The following PLCE1 variants were observed in gnomAD, a reference collection of about 807,000 sequenced individuals.
PLCE1 encodes 1-phosphatidylinositol 4,5-bisphosphate phosphodiesterase epsilon-1.
PLCE1 carries 119 observed loss-of-function variants against 242.8 expected under a neutral mutation model. The ratio of observed to expected loss-of-function variants is 0.49; its 90% CI spans 0.42 to 0.57. The LOEUF (loss-of-function observed/expected upper bound fraction) is 0.57. Ranked by LOEUF, PLCE1 falls within the 20% of genes least tolerant of loss-of-function variation. The pLI is 0.00. For synonymous variants in PLCE1, 945 were observed against 1,017.4 expected (o/e 0.93, Z 1.35); for missense variants, 2,441 against 2,788.8 (o/e 0.88, Z 2.81).
chr10:94,252,389 G>A lies in PLCE1; in HGVS notation c.3170G>A (p.Arg1057Gln), dbSNP rs754397478. 2.2e-5 allele frequency: 35 copies of A among 1,613,928 alleles called. 1 individual carries two copies. Among genetic ancestry groups the A allele is most frequent in the African/African-American group, 8.0e-5 (6 of 74,880 alleles). ...TTTGGTGGCAGACGGTGGAGTGCTC[G>A]AAACCCCAGCCCCGGAACATCAGCA... ...ELFGGRRWSA[R>Q]NPSPGTSAKN... Residue 1057 changes from arginine to glutamine, a missense_variant, in exon 9 of 33, where the codon CGA (arginine) becomes CAA (glutamine). Coordinates refer to ENST00000371380, the MANE Select transcript of PLCE1 (RefSeq NM_016341.4).
chr10:94,203,247 T>C (rs753603699), intron 4 of PLCE1, among the ~76,000 whole-genome samples: 4 of 152,144 alleles, frequency 2.6e-5, no homozygotes, highest in Non-Finnish European at 4.4e-5. Flanking sequence ...TCTGTCACAC[T>C]CTGCTCCCAA....
At chr10:94,224,037 A>G (rs1269691334) in intron 4 of PLCE1, among the ~76,000 whole-genome samples, 1 of 152,172 alleles carries the variant, frequency 6.6e-6, no homozygotes, top group Non-Finnish European at 1.5e-5. Flanking sequence ...TTATAAAATT[A>G]TGAATACATC....
intron 2 of PLCE1, among the ~76,000 whole-genome samples, chr10:94,091,675 T>C (rs1194594263): frequency 1.3e-5 from 2 of 151,648 alleles, no homozygotes; most frequent in African/African-American, 4.8e-5. Flanking sequence ...TGAAACAGAG[T>C]ATTAGAGTAG....
intron 2 of PLCE1, among the ~76,000 whole-genome samples, chr10:94,044,786 G>C (rs796771018): frequency 4.6e-5 from 7 of 152,120 alleles, no homozygotes; most frequent in African/African-American, 1.7e-4. Flanking sequence ...AACAGAAGCA[G>C]AAGAGCTTCT....
intron 3 of PLCE1, among the ~76,000 whole-genome samples, chr10:94,146,097 A>G (rs2047103155): frequency 6.6e-6 from 1 of 152,114 alleles, no homozygotes. Context: ...GCCATTGCAG[A>G]CCCTTAAGCA....
intron 19 of PLCE1, among the ~76,000 whole-genome samples, chr10:94,277,216 T>C (rs1383551951): frequency 6.6e-6 from 1 of 151,944 alleles, no homozygotes; most frequent in Non-Finnish European, 1.5e-5. Context: ...CTGACATTCC[T>C]CTCCTGAATT....
chr10:94,317,507 G>C (rs1266703609), intron 29 of PLCE1, among the ~76,000 whole-genome samples: 2 of 152,094 alleles, frequency 1.3e-5, no homozygotes, highest in Non-Finnish European at 2.9e-5. Context: ...AGAAGTTTTA[G>C]CTAATAGAAG....
At chr10:94,315,154 C>T (rs1393140720) in intron 28 of PLCE1, 6 of 299,006 alleles carry the variant, frequency 2.0e-5, no homozygotes, top group Non-Finnish European at 3.3e-5. Flanking sequence ...TTGCCTTGGC[C>T]CCCTTTTGAG....
chr10:94,114,988 A>G lies in PLCE1; in HGVS notation c.1207-17186A>G, dbSNP rs1220755686. On this transcript the variant is annotated intron_variant, in intron 2 of 32. Coordinates refer to ENST00000371380, the MANE Select transcript of PLCE1 (RefSeq NM_016341.4). ...TGTGTCCAAGTGTTCTCATTGTTCA[A>G]TTCCCACCTATAAGTGAGAACATGC... Among the ~76,000 whole-genome samples, 16 of 151,056 alleles carry G rather than the reference A, an allele frequency of 1.1e-4. No homozygotes were observed. The South Asian group carries it at 2.5e-3, about 24-fold the overall frequency.
At chr10:94,313,221 GA>G (rs2053445068) in intron 27 of PLCE1, 32 bp from the exon 28 acceptor site, 1 of 1,612,756 alleles carries the variant, frequency 6.2e-7, no homozygotes, top group African/African-American at 1.3e-5. Context: ...TGTGATTACG[GA>G]TGAATGATCA....
At chr10:94,074,277 C>T (rs914104162) in intron 2 of PLCE1, among the ~76,000 whole-genome samples, 2 of 150,126 alleles carry the variant, frequency 1.3e-5, no homozygotes, top group African/African-American at 2.5e-5. Context: ...ACTGCAGCTT[C>T]GAACTCCTGA....
chr10:94,315,704 A>T (rs1022689194), intron 28 of PLCE1, among the ~76,000 whole-genome samples: 1 of 145,004 alleles, frequency 6.9e-6, no homozygotes, highest in Admixed American at 7.2e-5. Context: ...GGGAAGGCGG[A>T]GGTTGCAGTG....
intron 2 of PLCE1, among the ~76,000 whole-genome samples, chr10:94,113,733 G>A (rs2046028147): frequency 6.6e-6 from 1 of 152,152 alleles, no homozygotes; most frequent in African/African-American, 2.4e-5. Context: ...ATAGCAATGT[G>A]ACGATGCGGG....
chr10:94,313,523 A>T (rs2053458341), intron 28 of PLCE1, 141 bp downstream of exon 28: 2 of 959,884 alleles, frequency 2.1e-6, no homozygotes, highest in Non-Finnish European at 3.3e-6. Context: ...CCTTTTGATT[A>T]TTTGGAAATG....
At chr10:94,138,165 G>A (rs1048329556) in intron 3 of PLCE1, 9 of 381,204 alleles carry the variant, frequency 2.4e-5, no homozygotes, top group Non-Finnish European at 4.1e-5. Flanking sequence ...GAAGTCTGAG[G>A]CATCTGGCTT....
intron 4 of PLCE1, among the ~76,000 whole-genome samples, chr10:94,174,694 A>C (rs1034714100): frequency 1.3e-5 from 2 of 152,188 alleles, no homozygotes; most frequent in African/African-American, 4.8e-5. Flanking sequence ...CAATGAAAAA[A>C]AATATCAGGC....
intron 2 of PLCE1, among the ~76,000 whole-genome samples, chr10:94,079,350 G>A (rs181298190): frequency 3.0e-4 from 45 of 152,170 alleles, no homozygotes; most frequent in African/African-American, 9.9e-4. Flanking sequence ...ATGAAATTAG[G>A]GAAAAGCATT....
intron 2 of PLCE1, among the ~76,000 whole-genome samples, chr10:94,054,976 C>T (rs144239050): frequency 6.9e-6 from 1 of 144,672 alleles, no homozygotes. Flanking sequence ...CGGGCCACTG[C>T]ACTCCAGCCT....
At chr10:94,121,938 CTGGG>C (rs1324549701) in intron 2 of PLCE1, among the ~76,000 whole-genome samples, 1 of 152,164 alleles carries the variant, frequency 6.6e-6, no homozygotes, top group African/African-American at 2.4e-5. Context: ...ACATTTCCAG[CTGGG>C]CAGAGAGAGG....
Sources: gnomAD v4.1 joint callset for allele counts (sites outside exome capture counted in the v4.1 genomes callset) on GRCh38, gnomAD v4.1.1 for gene constraint, MANE v1.5 for transcripts, NCBI Gene and HGNC (gene_info 2026-07-23, HGNC 2026-07-21) for gene names.